The following RFX4 variants were observed in gnomAD, a reference collection of about 807,000 sequenced individuals.
RFX4 encodes the protein transcription factor RFX4.
Under a neutral mutation model 95.0 loss-of-function variants are expected in RFX4, and 10 were observed. The ratio of observed to expected loss-of-function variants is 0.11; its 90% confidence interval spans 0.06 to 0.18. The LOEUF (loss-of-function observed/expected upper bound fraction) is 0.18. Ranked by LOEUF, RFX4 falls within the 10% of genes least tolerant of loss-of-function variation. RFX4 has a pLI of 1.00. For synonymous variants in RFX4, 321 were observed against 340.7 expected (o/e 0.94, Z 0.64); for missense variants, 640 against 922.0 (o/e 0.69, Z 3.96).
chr12:106,651,831 C>A (rs1438824850), intron 3 of RFX4, among the ~76,000 whole-genome samples: 1 of 152,130 alleles, frequency 6.6e-6, no homozygotes, highest in Non-Finnish European at 1.5e-5. Flanking sequence ...AGCCAGAAAT[C>A]CAGATTCTTA....
chr12:106,747,622 T>G lies in RFX4; in HGVS notation c.1796+23T>G, dbSNP rs200429374. The G allele has an allele frequency of 5.8e-4, 937 of 1,608,016 alleles. 2 individuals are homozygous for G. The highest frequency in any genetic ancestry group is 7.3e-4 in the Non-Finnish European group (858 of 1,175,738). ...TGGGTAGGTAACTTTCCAGGGATGCTGCTGGACTTTTAAAATTTGATCTAA... is the reference window on the plus strand; with the variant it reads ...TGGGTAGGTAACTTTCCAGGGATGCGGCTGGACTTTTAAAATTTGATCTAA... On this transcript the variant is annotated intron_variant, in intron 16 of 17. Coordinates refer to ENST00000392842, the MANE Select transcript of RFX4 (RefSeq NM_213594.3).
At chr12:106,721,154 A>G (rs10861653) in intron 13 of RFX4, among the ~76,000 whole-genome samples, 23,859 of 152,092 alleles carry the variant, frequency 0.16, 2,148 homozygotes, top group East Asian at 0.27. Flanking sequence ...CCCCATGCCT[A>G]GATGTTCCCA....
intron 11 of RFX4, 26 bp downstream of exon 11, chr12:106,715,570 G>A (rs1370021539): frequency 3.7e-6 from 6 of 1,606,442 alleles, no homozygotes; most frequent in Non-Finnish European, 5.1e-6. Flanking sequence ...AGGGATTGTT[G>A]TCCTGTTTTT....
rs373458683 is a variant in RFX4, at chr12:106,706,443, G to A, written c.834-2887G>A. Among the ~76,000 whole-genome samples the A allele has an allele frequency of 2.8e-4, 42 of 152,316 alleles. No individual in the cohort carries two copies. The South Asian group carries it at 7.9e-3, about 29-fold the overall frequency. On this transcript the variant is annotated intron_variant, in intron 8 of 17. Coordinates refer to ENST00000392842, the MANE Select transcript of RFX4 (RefSeq NM_213594.3). The stretch of plus-strand genomic sequence containing the variant: ...TCCGGATGAGAGATGACGGCAGCCT[G>A]AACTAGGGAGAAAAGGGAGAGAAGT...
chr12:106,709,716 C>T (rs2042156000), intron 9 of RFX4, among the ~76,000 whole-genome samples: 1 of 152,134 alleles, frequency 6.6e-6, no homozygotes, highest in Admixed American at 6.5e-5. Flanking sequence ...TTTCTGCTCA[C>T]CACCACCACC....
At chr12:106,611,259 GT>G (rs2039956185) in intron 2 of RFX4, among the ~76,000 whole-genome samples, 3 of 152,170 alleles carry the variant, frequency 2.0e-5, no homozygotes, top group Admixed American at 6.5e-5. Context: ...TATTCCATGG[GT>G]TGCCTTTTCA....
chr12:106,653,349 G>A (rs1476018227), intron 3 of RFX4, among the ~76,000 whole-genome samples: 1 of 152,216 alleles, frequency 6.6e-6, no homozygotes, highest in Non-Finnish European at 1.5e-5. Flanking sequence ...ATCATGAGGA[G>A]GTCTGACGTC....
rs568805594 is a variant in RFX4 at position 106,648,281 on chromosome 12, G to A, written c.192-5947G>A. On this transcript the variant is annotated intron_variant, in intron 3 of 17. Transcript: ENST00000392842. ...CCCTGCGGTAGGAAGGTGATGGATC[G>A]TGTGTGTGGGTGGAAGGTGACAAGG... 2.2e-4 allele frequency among the ~76,000 whole-genome samples: 33 copies of A among 152,266 alleles called. No individual in the cohort carries two copies. In the South Asian group the frequency reaches 3.9e-3, roughly 18 times the overall value.
At chr12:106,659,420 A>C (rs1000905387) in intron 4 of RFX4, among the ~76,000 whole-genome samples, 7 of 152,270 alleles carry the variant, frequency 4.6e-5, no homozygotes, top group African/African-American at 1.7e-4. Flanking sequence ...GAACAACAGA[A>C]CTATAAATTG....
At chr12:106,629,588 G>A (rs2040374777) in intron 2 of RFX4, among the ~76,000 whole-genome samples, 1 of 152,054 alleles carries the variant, frequency 6.6e-6, no homozygotes, top group Admixed American at 6.6e-5. Flanking sequence ...TCAGGTGATG[G>A]CTCCTACCTC....
Position 106,761,524 on chromosome 12 carries a change from T to G in RFX4, c.*55T>G. 1 of 1,223,250 alleles carries G rather than the reference T, an allele frequency of 8.2e-7. No individual in the cohort carries two copies. Among genetic ancestry groups the G allele is most frequent in the African/African-American group, 1.6e-5 (1 of 63,472 alleles). The allele number at this position is 1,223,250 out of a possible 1,614,324, so 75.8% of individuals were successfully genotyped here. On this transcript the variant is annotated 3_prime_UTR_variant, in exon 18 of 18. Coordinates refer to ENST00000392842, the MANE Select transcript of RFX4 (RefSeq NM_213594.3). ...TAATAATAATAATTAATAATAATAA[T>G]AAACCCAACACCCATCCCCCAGAAG...
At chr12:106,599,330 A>T (rs1414025811) in intron 1 of RFX4, among the ~76,000 whole-genome samples, 1 of 152,108 alleles carries the variant, frequency 6.6e-6, no homozygotes, top group Non-Finnish European at 1.5e-5. Flanking sequence ...GTTATGTTAG[A>T]CACAGCTTAG....
At chr12:106,614,581 T>G (rs148359091) in intron 2 of RFX4, among the ~76,000 whole-genome samples, 4,970 of 150,662 alleles carry the variant, frequency 0.033, 207 homozygotes, top group African/African-American at 0.098. Flanking sequence ...CGATCTCGGC[T>G]CACTGCAAGC....
At chr12:106,754,714 C>T (rs2043077856) in intron 17 of RFX4, among the ~76,000 whole-genome samples, 1 of 152,198 alleles carries the variant, frequency 6.6e-6, no homozygotes, top group East Asian at 1.9e-4. Context: ...AATAGAATGG[C>T]CCAAGGACAA....
At chr12:106,584,541 A>G (rs1303548323) in intron 1 of RFX4, among the ~76,000 whole-genome samples, 1 of 152,176 alleles carries the variant, frequency 6.6e-6, no homozygotes, top group Non-Finnish European at 1.5e-5. Context: ...CTGAGCATGC[A>G]CGTCCTTTCC....
At chr12:106,618,364 G>T (rs2040115158) in intron 2 of RFX4, among the ~76,000 whole-genome samples, 1 of 151,996 alleles carries the variant, frequency 6.6e-6, no homozygotes, top group Non-Finnish European at 1.5e-5. Flanking sequence ...AATATCTCCA[G>T]CTCTGATTAT....
At chr12:106,603,272 C>T (rs145698125) in intron 1 of RFX4, among the ~76,000 whole-genome samples, 3 of 152,304 alleles carry the variant, frequency 2.0e-5, no homozygotes, top group East Asian at 1.9e-4. Context: ...GTCCCTGATG[C>T]GGCTACTTCT....
intron 1 of RFX4, among the ~76,000 whole-genome samples, chr12:106,583,978 T>G (rs938087916): frequency 6.6e-6 from 1 of 152,174 alleles, no homozygotes; most frequent in Non-Finnish European, 1.5e-5. Flanking sequence ...TTTTAGCTTT[T>G]CTGCCAGGAA....
chr12:106,685,635 A>C (rs1565978809), intron 5 of RFX4, among the ~76,000 whole-genome samples: 1 of 152,184 alleles, frequency 6.6e-6, no homozygotes, highest in African/African-American at 2.4e-5. Context: ...TATTTTTATT[A>C]AACTTTAAAA....
Sources: gnomAD v4.1 joint callset for allele counts (sites outside exome capture counted in the v4.1 genomes callset) on GRCh38, gnomAD v4.1.1 for gene constraint, MANE v1.5 for transcripts, NCBI Gene and HGNC (gene_info 2026-07-23, HGNC 2026-07-21) for gene names.